CDH13: variants seen among roughly 807,000 people sequenced by gnomAD.
CDH13 encodes cadherin-13.
A neutral mutation model predicts 63.8 loss-of-function variants in CDH13; 24 were observed. The observed-to-expected ratio is 0.38, with a 90% CI of 0.27 to 0.53. CDH13 has a LOEUF of 0.53. Ranked by LOEUF, CDH13 falls within the 20% of genes least tolerant of loss-of-function variation. CDH13 has a pLI of 0.85. For synonymous variants in CDH13, 503 were observed against 355.3 expected (o/e 1.42, Z -4.67); for missense variants, 1,049 against 903.1 (o/e 1.16, Z -2.07).
chr16:83,528,145 A>C (rs1395025211), intron 7 of CDH13, among the ~76,000 whole-genome samples: 1 of 152,224 alleles, frequency 6.6e-6, no homozygotes, highest in East Asian at 1.9e-4. Flanking sequence ...TCCTCTTAAT[A>C]GCAGTGATAA....
intron 10 of CDH13, among the ~76,000 whole-genome samples, chr16:83,743,202 C>T (rs1351607716): frequency 6.6e-6 from 1 of 151,880 alleles, no homozygotes; most frequent in Non-Finnish European, 1.5e-5. Flanking sequence ...AGCAAGACTC[C>T]GTCTCAAAAA....
chr16:82,719,898 C>A (rs2032654227), intron 1 of CDH13, among the ~76,000 whole-genome samples: 1 of 142,330 alleles, frequency 7.0e-6, no homozygotes. Flanking sequence ...CCTCACTTAA[C>A]TTCATTGCTA....
At chr16:83,119,902 A>T (rs1048375679) in intron 3 of CDH13, among the ~76,000 whole-genome samples, 1 of 152,364 alleles carries the variant, frequency 6.6e-6, no homozygotes, top group South Asian at 2.1e-4. Context: ...ACTTATAGAT[A>T]TACACATAAA....
chr16:82,863,023 A>T (rs1025110894), intron 2 of CDH13, among the ~76,000 whole-genome samples: 1 of 152,330 alleles, frequency 6.6e-6, no homozygotes, highest in African/African-American at 2.4e-5. Flanking sequence ...CTCATATTCT[A>T]AGATCTAATC....
chr16:83,115,778 G>A (rs2035264214), intron 3 of CDH13, among the ~76,000 whole-genome samples: 1 of 152,212 alleles, frequency 6.6e-6, no homozygotes, highest in Non-Finnish European at 1.5e-5. Flanking sequence ...GTAGGAGAGG[G>A]AACAAAGATG....
At chr16:83,708,562 C>T (rs927985626) in intron 10 of CDH13, among the ~76,000 whole-genome samples, 1 of 152,298 alleles carries the variant, frequency 6.6e-6, no homozygotes, top group South Asian at 2.1e-4. Flanking sequence ...TTCCTGCTAA[C>T]CATGCTAGGC....
intron 2 of CDH13, among the ~76,000 whole-genome samples, chr16:82,929,193 C>T (rs909428865): frequency 6.6e-6 from 1 of 152,104 alleles, no homozygotes; most frequent in Non-Finnish European, 1.5e-5. Flanking sequence ...TTGTGCTCCC[C>T]AGAATTCATA....
chr16:83,419,037 G>C (rs1201936058), intron 6 of CDH13, among the ~76,000 whole-genome samples: 1 of 152,070 alleles, frequency 6.6e-6, no homozygotes, highest in African/African-American at 2.4e-5. Context: ...TTCTCAAACA[G>C]CCAAGCAGCA....
intron 6 of CDH13, among the ~76,000 whole-genome samples, chr16:83,384,189 C>T (rs531970336): frequency 2.0e-5 from 3 of 152,142 alleles, no homozygotes; most frequent in Non-Finnish European, 4.4e-5. Context: ...TTTATCAATA[C>T]CTTCTGCAAC....
At chr16:82,912,487 C>G (rs1441442305) in intron 2 of CDH13, among the ~76,000 whole-genome samples, 1 of 152,156 alleles carries the variant, frequency 6.6e-6, no homozygotes, top group African/African-American at 2.4e-5. Flanking sequence ...GGTGTAAAAC[C>G]CTCTTCTAGG....
chr16:83,264,659 C>G (rs963735172), intron 5 of CDH13, among the ~76,000 whole-genome samples: 1 of 151,300 alleles, frequency 6.6e-6, no homozygotes, highest in African/African-American at 2.4e-5. Context: ...TAATTAATAT[C>G]AAATCATATC....
At chr16:83,309,464 C>T (rs936405364) in intron 5 of CDH13, among the ~76,000 whole-genome samples, 1 of 152,148 alleles carries the variant, frequency 6.6e-6, no homozygotes, top group Non-Finnish European at 1.5e-5. Flanking sequence ...CAACCTTCTG[C>T]CTCCCAGCTT....
At chr16:83,077,193 T>C (rs1248750666) in intron 3 of CDH13, among the ~76,000 whole-genome samples, 2 of 116,738 alleles carry the variant, frequency 1.7e-5, no homozygotes, top group South Asian at 3.1e-4. Flanking sequence ...TTTCTTTTTT[T>C]TTTTTTTTTT....
chr16:83,727,588 T>A (rs186140268), intron 10 of CDH13, among the ~76,000 whole-genome samples: 111 of 152,066 alleles, frequency 7.3e-4, no homozygotes, highest in African/African-American at 2.6e-3. Context: ...AAGAAAAATA[T>A]CAGTTTTACT....
At chr16:83,682,318 G>A (rs1052264013) in intron 10 of CDH13, among the ~76,000 whole-genome samples, 5 of 152,086 alleles carry the variant, frequency 3.3e-5, no homozygotes, top group African/African-American at 4.8e-5. Flanking sequence ...GGGAAGAGGC[G>A]TTACTAGGAA....
chr16:82,870,187 CAA>C (rs1390474127), intron 2 of CDH13, among the ~76,000 whole-genome samples: 1 of 151,974 alleles, frequency 6.6e-6, no homozygotes, highest in Non-Finnish European at 1.5e-5. Flanking sequence ...CAAAGGAAGA[CAA>C]ATGGGTAACA....
chr16:82,679,575 A>G (rs928484617), intron 1 of CDH13, among the ~76,000 whole-genome samples: 1 of 152,300 alleles, frequency 6.6e-6, no homozygotes, highest in African/African-American at 2.4e-5. Flanking sequence ...TCTAGTACAT[A>G]TGAACTCACT....
chr16:83,700,125 CTGTCATTGTAGA>C (rs1346836922), intron 10 of CDH13, among the ~76,000 whole-genome samples: 1 of 152,184 alleles, frequency 6.6e-6, no homozygotes, highest in Non-Finnish European at 1.5e-5. Flanking sequence ...GATCTGCCTT[CTGTCATTGTAGA>C]TTAGTGTACA....
intron 6 of CDH13, among the ~76,000 whole-genome samples, chr16:83,373,605 C>T (rs2091411091): frequency 1.3e-5 from 2 of 152,210 alleles, no homozygotes; most frequent in South Asian, 2.1e-4. Flanking sequence ...TGGAGAGAGG[C>T]AGGCATCATG....
Sources: gnomAD v4.1 joint callset for allele counts (sites outside exome capture counted in the v4.1 genomes callset) on GRCh38, gnomAD v4.1.1 for gene constraint, MANE v1.5 for transcripts, NCBI Gene and HGNC (gene_info 2026-07-23, HGNC 2026-07-21) for gene names.